AFF2: variants seen among roughly 807,000 people sequenced by gnomAD.
AFF2 encodes ALF transcription elongation factor 2.
AFF2 carries 14 observed loss-of-function variants against 76.9 expected under a neutral mutation model. That is an observed-to-expected ratio of 0.18 (90% CI 0.12 to 0.28). The LOEUF (loss-of-function observed/expected upper bound fraction) is 0.28. Among genes scored for constraint, AFF2 ranks in the 10% least tolerant of loss-of-function variants. The pLI, the probability that AFF2 is intolerant of heterozygous loss-of-function variation, is 1.00. For missense variants in AFF2, 868 were observed against 1,001.1 expected, an observed-to-expected ratio of 0.87 and a Z score of 1.79; for synonymous variants, 398 against 366.7, an observed-to-expected ratio of 1.09 and a Z score of -0.98.
intron 1 of AFF2, among the ~76,000 whole-genome samples, chrX:148,607,860 C>T (rs782445499): frequency 4.5e-5 from 5 of 111,663 alleles, no homozygotes; most frequent in African/African-American, 1.6e-4. Context: ...CCTGGCAGGC[C>T]ATTGCTATCT....
chrX:148,835,634 A>C (rs1392695189), intron 4 of AFF2, among the ~76,000 whole-genome samples: 1 of 108,835 alleles, frequency 9.2e-6, no homozygotes, highest in Non-Finnish European at 1.9e-5. Context: ...ATAGGCGCGC[A>C]CCACCATGCC....
intron 7 of AFF2, among the ~76,000 whole-genome samples, chrX:148,862,337 C>G (rs1406992158): frequency 9.0e-6 from 1 of 111,119 alleles, no homozygotes; most frequent in African/African-American, 3.3e-5. Flanking sequence ...CTCAGCCCAG[C>G]TCTGGGCTGC....
intron 1 of AFF2, among the ~76,000 whole-genome samples, chrX:148,612,790 C>A (rs2053747344): frequency 8.9e-6 from 1 of 111,997 alleles, no homozygotes; most frequent in Non-Finnish European, 1.9e-5. Context: ...TTCCCAAGTG[C>A]TTTTGAGACC....
At chrX:148,581,418 G>GTA (rs782653349) in intron 1 of AFF2, among the ~76,000 whole-genome samples, 13 of 406 alleles carry the variant, frequency 0.032, 3 homozygotes, top group African/African-American at 0.11. Flanking sequence ...ACACATATAC[G>GTA]TATACGTCTA....
chrX:148,644,906 T>C (rs944476200), intron 1 of AFF2, among the ~76,000 whole-genome samples: 5 of 112,206 alleles, frequency 4.5e-5, no homozygotes, highest in Non-Finnish European at 9.4e-5. Flanking sequence ...TAAAATCTTC[T>C]CTGGATGATT....
intron 8 of AFF2, among the ~76,000 whole-genome samples, chrX:148,898,287 G>A (rs2071316861): frequency 8.9e-6 from 1 of 112,222 alleles, no homozygotes; most frequent in Admixed American, 9.4e-5. Context: ...GAATGGCAGT[G>A]TGAGTGAAAT....
intron 1 of AFF2, among the ~76,000 whole-genome samples, chrX:148,555,174 GACA>G (rs1440520707): frequency 1.8e-4 from 20 of 111,833 alleles, no homozygotes; most frequent in Admixed American, 1.5e-3. Context: ...CCTGGCCCCT[GACA>G]CTCACATGTT....
intron 1 of AFF2, among the ~76,000 whole-genome samples, chrX:148,528,959 G>A (rs1398076154): frequency 2.7e-5 from 3 of 110,741 alleles, no homozygotes; most frequent in South Asian, 3.8e-4. Context: ...GATTTAATGC[G>A]GATAAGTTAT....
chrX:148,507,735 AG>A (rs1284593230), intron 1 of AFF2, among the ~76,000 whole-genome samples: 2 of 112,201 alleles, frequency 1.8e-5, no homozygotes, highest in African/African-American at 3.2e-5. Context: ...CACCGTAGAG[AG>A]GGTGATGCAC....
At chrX:148,533,667 C>T (rs1363604648) in intron 1 of AFF2, among the ~76,000 whole-genome samples, 2 of 111,620 alleles carry the variant, frequency 1.8e-5, no homozygotes, top group African/African-American at 6.5e-5. Context: ...AGTGATCTTC[C>T]TGAAAATTGA....
intron 8 of AFF2, among the ~76,000 whole-genome samples, chrX:148,896,443 T>A (rs1275952519): frequency 9.0e-6 from 1 of 111,711 alleles, no homozygotes; most frequent in Non-Finnish European, 1.9e-5. Context: ...AATAGACACA[T>A]TAGACTCTGT....
intron 3 of AFF2, among the ~76,000 whole-genome samples, chrX:148,708,929 A>G (rs781847259): frequency 2.2e-4 from 25 of 112,013 alleles, no homozygotes; most frequent in Admixed American, 2.2e-3. Flanking sequence ...ATTTGATGTA[A>G]CAAAGGTTTT....
At chrX:148,867,386 A>T (rs1477474531) in intron 7 of AFF2, among the ~76,000 whole-genome samples, 1 of 112,083 alleles carries the variant, frequency 8.9e-6, no homozygotes, top group Non-Finnish European at 1.9e-5. Flanking sequence ...CTGGTAAAAG[A>T]GATGAGGGAA....
At chrX:148,721,585 A>G (rs1013915296) in intron 3 of AFF2, among the ~76,000 whole-genome samples, 1 of 112,160 alleles carries the variant, frequency 8.9e-6, no homozygotes, top group Non-Finnish European at 1.9e-5. Flanking sequence ...GGATGGCATC[A>G]TCTGCCTAGG....
At chrX:148,557,046 T>A (rs1236051280) in intron 1 of AFF2, among the ~76,000 whole-genome samples, 2 of 112,180 alleles carry the variant, frequency 1.8e-5, no homozygotes, top group Admixed American at 9.5e-5. Context: ...TAGGTTTTAC[T>A]AAAAAATGAG....
chrX:148,722,383 C>T (rs782021365), intron 3 of AFF2, among the ~76,000 whole-genome samples: 8 of 110,930 alleles, frequency 7.2e-5, no homozygotes, highest in Non-Finnish European at 1.3e-4. Flanking sequence ...TGCACTGGCT[C>T]TTTTTTTGTC....
At chrX:148,897,319 C>CAT (rs1333572404) in intron 8 of AFF2, among the ~76,000 whole-genome samples, 4 of 52,287 alleles carry the variant, frequency 7.7e-5, no homozygotes, top group East Asian at 1.3e-3. Context: ...TATATAAATA[C>CAT]ATATATATAT....
intron 1 of AFF2, among the ~76,000 whole-genome samples, chrX:148,598,692 A>T (rs781881055): frequency 8.9e-6 from 1 of 112,290 alleles, no homozygotes; most frequent in South Asian, 3.7e-4. Flanking sequence ...CAACTTCCAA[A>T]CAATACAGAG....
intron 3 of AFF2, among the ~76,000 whole-genome samples, chrX:148,720,305 T>C (rs1047826977): frequency 9.1e-6 from 1 of 110,350 alleles, no homozygotes; most frequent in East Asian, 2.9e-4. Flanking sequence ...ATGTACATTG[T>C]CTTCCTCCCT....
Sources: allele counts gnomAD v4.1 joint callset (sites outside exome capture counted in the v4.1 genomes callset), GRCh38; gene constraint gnomAD v4.1.1; transcripts MANE v1.5; gene names NCBI Gene and HGNC (gene_info 2026-07-23, HGNC 2026-07-21).